Variants in IL6ST observed in about 807,000 individuals in gnomAD.
IL6ST encodes interleukin-6 receptor subunit beta.
A neutral mutation model predicts 91.3 loss-of-function variants in IL6ST; 24 were observed. The ratio of observed to expected loss-of-function variants is 0.26; its 90% CI spans 0.19 to 0.37. IL6ST has a LOEUF of 0.37. Ranked by LOEUF, IL6ST falls within the 10% of genes least tolerant of loss-of-function variation. The pLI, the probability that IL6ST is intolerant of heterozygous loss-of-function variation, is 1.00. For missense variants in IL6ST, 914 were observed against 1,078.5 expected (o/e 0.85, Z 2.14); for synonymous variants, 351 against 373.6 (o/e 0.94, Z 0.70).
At chr5:55,970,273 G>C (rs1330756448) in intron 3 of IL6ST, among the ~76,000 whole-genome samples, 1 of 152,060 alleles carries the variant, frequency 6.6e-6, no homozygotes, top group Non-Finnish European at 1.5e-5. Flanking sequence ...GAGTACAGTT[G>C]GGGTCACAGA....
At chr5:55,945,024 A>G (rs896792338) in intron 15 of IL6ST, among the ~76,000 whole-genome samples, 2 of 141,360 alleles carry the variant, frequency 1.4e-5, no homozygotes, top group African/African-American at 5.7e-5. Flanking sequence ...CCGCTGTTTT[A>G]GCTGAGGAAT....
At chr5:55,955,327 C>T (rs565453133) in intron 10 of IL6ST, among the ~76,000 whole-genome samples, 24 of 152,210 alleles carry the variant, frequency 1.6e-4, no homozygotes, top group African/African-American at 5.8e-4. Context: ...CATTGTGGTG[C>T]GTGCCTTTAA....
chr5:55,953,680 C>G (rs1363653989), intron 11 of IL6ST, among the ~76,000 whole-genome samples: 1 of 152,204 alleles, frequency 6.6e-6, no homozygotes, highest in Non-Finnish European at 1.5e-5. Context: ...GCCACCGCAT[C>G]GGCTGCTGCT....
chr5:55,976,878 G>A (rs1482773938), intron 2 of IL6ST, among the ~76,000 whole-genome samples: 1 of 152,156 alleles, frequency 6.6e-6, no homozygotes, highest in Non-Finnish European at 1.5e-5. Context: ...AACGCAAAAT[G>A]ATACAGACAC....
At chr5:55,956,867 G>A (rs1338774314) in intron 9 of IL6ST, among the ~76,000 whole-genome samples, 2 of 152,090 alleles carry the variant, frequency 1.3e-5, no homozygotes, top group Non-Finnish European at 2.9e-5. Flanking sequence ...CATACAAAAT[G>A]TATTTATAAG....
Position 55,937,936 on chromosome 5 carries a change from T to C in IL6ST, c.*3146A>G, listed in dbSNP as rs1750638622. ...CTGCTTGATGTACTTGGTCAATATA[T>C]GTTAGTAAACAGAAATATTTTAGGG... On this transcript the variant is annotated 3_prime_UTR_variant, in exon 17 of 17. Transcript: ENST00000381298. 3.0e-5 allele frequency: 6 copies of C among 197,028 alleles called. No homozygotes were observed. Among genetic ancestry groups the C allele is most frequent in the Admixed American group, 3.0e-4 (5 of 16,538 alleles). 12.2% of individuals were successfully genotyped at this position (197,028 alleles called of 1,614,324 possible). A position where few individuals can be genotyped will look rare whatever the true frequency, so the allele number is the denominator to read the frequency against.
chr5:55,952,362 A>C lies in IL6ST; in HGVS notation c.1451-11T>G. Reference sequence around the variant, plus strand: ...TCTCTGCTAAGTTCCCTAAAGCAAGAATAGCAGATTAAGCATGTTTTTCCA... The same window carrying C: ...TCTCTGCTAAGTTCCCTAAAGCAAGCATAGCAGATTAAGCATGTTTTTCCA... On this transcript the variant is annotated splice_polypyrimidine_tract_variant and intron_variant, in intron 11 of 16. Transcript: ENST00000381298. 7.0e-7 allele frequency: 1 copy of C among 1,427,060 alleles called. No individual in the cohort carries two copies. The highest frequency in any genetic ancestry group is 1.2e-5 in the South Asian group (1 of 80,766). The allele number at this position is 1,427,060 out of a possible 1,614,324, so 88.4% of individuals were successfully genotyped here.
At position 55,937,255 on chromosome 5, in the gene IL6ST, A is replaced by C. The variant is rs745416689; in HGVS notation, c.*3827T>G. The stretch of plus-strand genomic sequence containing the variant: ...TGAAATGGGTAATGAAGTTAAACTA[A>C]CCAGTTTGTACAAACTATTGACTGA... On this transcript the variant is annotated 3_prime_UTR_variant, in exon 17 of 17. Transcript: ENST00000381298. The C allele has an allele frequency of 9.3e-6, 2 of 214,138 alleles. No homozygotes were observed. The highest frequency in any genetic ancestry group is 1.9e-5 in the Non-Finnish European group (2 of 105,974). The allele number at this position is 214,138 out of a possible 1,614,324, so 13.3% of individuals were successfully genotyped here.
intron 8 of IL6ST, among the ~76,000 whole-genome samples, chr5:55,959,857 A>C (rs1752202602): frequency 6.6e-6 from 1 of 151,952 alleles, no homozygotes; most frequent in Non-Finnish European, 1.5e-5. Flanking sequence ...CGGTTTTCTG[A>C]TAGATGTATC....
In IL6ST at chr5:55,938,571, C is replaced by CTAT; in HGVS notation, c.*2508_*2510dup. ...TGTCCAGACAAGGTTTTCTGATGTG[C>CTAT]TATTACTTTAAACACCACTTTTGGA... On this transcript the variant is annotated 3_prime_UTR_variant, in exon 17 of 17. Transcript: ENST00000381298. 5.1e-6 allele frequency: 1 copy of CTAT among 197,180 alleles called. No individual in the cohort carries two copies. Among genetic ancestry groups the CTAT allele is most frequent in the Non-Finnish European group, 1.1e-5 (1 of 95,142 alleles). The allele number at this position is 197,180 out of a possible 1,614,324, so 12.2% of individuals were successfully genotyped here. A position where few individuals can be genotyped will look rare whatever the true frequency, so the allele number is the denominator to read the frequency against.
Position 55,962,902 on chromosome 5 carries a change from GC to G in IL6ST, c.813+449del, listed in dbSNP as rs1290017535. On this transcript the variant is annotated intron_variant, in intron 7 of 16. Transcript: ENST00000381298. ...GGCCAAGGTAGGAGAATCGCTTAAG[GC>G]CAGGAGTTTGAGACCATCCTGGGCA... Among the ~76,000 whole-genome samples, 4 of 151,920 alleles carry G rather than the reference GC, an allele frequency of 2.6e-5. No individual in the cohort carries two copies. In the East Asian group the frequency reaches 7.7e-4, roughly 29 times the overall value.
chr5:55,968,278 T>C lies in IL6ST; in HGVS notation c.489A>G (p.Glu163=), dbSNP rs200863218. The C allele has an allele frequency of 6.3e-7, 1 of 1,584,072 alleles. No individual in the cohort carries two copies. The highest frequency in any genetic ancestry group is 2.3e-5 in the East Asian group (1 of 43,450). Residue 163 remains glutamate (E), a splice_region_variant and synonymous_variant, in exon 5 of 17, where the codon GAA becomes GAG. Coordinates refer to ENST00000381298, the MANE Select transcript of IL6ST (RefSeq NM_002184.4). ...GAAACAAATTTAAAATAACGTACCA[T>C]TCAGATTTTAAAGTGAAGTTTGTCT... The part of the protein sequence containing the change: ...HLETNFTLKS[E]WATHKFADCK...
chr5:55,975,084 A>G (rs1198593237), intron 3 of IL6ST, among the ~76,000 whole-genome samples: 3 of 151,642 alleles, frequency 2.0e-5, no homozygotes, highest in Non-Finnish European at 4.4e-5. Context: ...TCCAGGGCTC[A>G]TGATTCTCCT....
rs1349943617 is a variant in IL6ST, at chr5:55,960,415, G to C, written c.960C>G (p.Ile320Met). The C allele has an allele frequency of 6.2e-7, 1 of 1,613,220 alleles. No homozygotes were observed. The highest frequency in any genetic ancestry group is 8.5e-7 in the Non-Finnish European group (1 of 1,179,428). Residue 320 changes from isoleucine to methionine, a missense_variant, in exon 8 of 17, where the codon ATC (isoleucine) becomes ATG (methionine). Coordinates refer to ENST00000381298, the MANE Select transcript of IL6ST (RefSeq NM_002184.4). ...WSDWSEEASGITYEDRPSKAP... is the reference protein window; with the variant it reads ...WSDWSEEASGMTYEDRPSKAP... ...TTATGTACTTACTATCTTCATAGGT[G>C]ATCCCACTTGCTTCTTCACTCCAGT...
chr5:55,988,622 C>T (rs748897606), intron 1 of IL6ST, among the ~76,000 whole-genome samples: 6 of 151,442 alleles, frequency 4.0e-5, no homozygotes, highest in African/African-American at 7.3e-5. Context: ...CAAAATTAGC[C>T]GGGAGTGGTG....
chr5:55,942,250 A>C (rs940595372), intron 16 of IL6ST, among the ~76,000 whole-genome samples: 10 of 152,232 alleles, frequency 6.6e-5, no homozygotes, highest in Admixed American at 5.2e-4. Context: ...TAAAATTCAG[A>C]GTTTAGAGTA....
rs774676367 is a variant in IL6ST, at chr5:55,941,796, T to C, written c.2043A>G (p.Gln681=). 3.7e-6 allele frequency: 6 copies of C among 1,610,850 alleles called. No homozygotes were observed. Among genetic ancestry groups the C allele is most frequent in the Non-Finnish European group, 5.1e-6 (6 of 1,178,834 alleles). ...CAGTGAAATTGCCATCTGAATACATTTGATCTTTTGAATTAAAATTGTGCT... is the reference window on the plus strand; with the variant it reads ...CAGTGAAATTGCCATCTGAATACATCTGATCTTTTGAATTAAAATTGTGCT... ...PPRHNFNSKD[Q]MYSDGNFTDV... Residue 681 remains glutamine, a synonymous_variant, in exon 17 of 17, where the codon CAA becomes CAG. Coordinates refer to ENST00000381298, the MANE Select transcript of IL6ST (RefSeq NM_002184.4).
Position 55,952,051 on chromosome 5 carries a change from C to T in IL6ST, c.1577G>A (p.Arg526Gln), listed in dbSNP as rs144353104. The T allele has an allele frequency of 5.4e-5, 87 of 1,613,246 alleles. No homozygotes were observed. Among genetic ancestry groups the T allele is most frequent in the Middle Eastern group, 3.3e-4 (2 of 6,056 alleles). Residue 526 changes from arginine to glutamine, a missense_variant, in exon 13 of 17, where the codon CGG becomes CAG. Coordinates refer to ENST00000381298, the MANE Select transcript of IL6ST (RefSeq NM_002184.4). ...QAPPSKGPTV[R>Q]TKKVGKNEAV... ...TTCGTTTTTCCCTACTTTTTTTGTC[C>T]GAACAGTAGGTCCTTTGGAAGGTGC...
intron 3 of IL6ST, among the ~76,000 whole-genome samples, chr5:55,975,709 A>C (rs979025075): frequency 6.6e-6 from 1 of 152,132 alleles, no homozygotes; most frequent in African/African-American, 2.4e-5. Context: ...TAAGAGAAGA[A>C]TCAGTAGGGT....
Sources: allele counts gnomAD v4.1 joint callset (sites outside exome capture counted in the v4.1 genomes callset), GRCh38; gene constraint gnomAD v4.1.1; transcripts MANE v1.5; gene names NCBI Gene and HGNC (gene_info 2026-07-23, HGNC 2026-07-21).